XPOT: variants seen among roughly 807,000 people sequenced by gnomAD.
The protein encoded by XPOT is exportin-T.
A neutral mutation model predicts 128.2 loss-of-function variants in XPOT; 34 were observed. That is an observed-to-expected ratio of 0.27 (90% CI 0.20 to 0.35). XPOT has a LOEUF of 0.35. XPOT is among the 10% of genes least tolerant of loss of function. The pLI is 1.00. For missense variants in XPOT, 838 were observed against 1,125.3 expected, an observed-to-expected ratio of 0.74 and a Z score of 3.65; for synonymous variants, 348 against 394.3, an observed-to-expected ratio of 0.88 and a Z score of 1.39.
chr12:64,435,786 T>C (rs1475947921), intron 22 of XPOT, 112 bp downstream of exon 22: 14 of 1,061,528 alleles, frequency 1.3e-5, no homozygotes, highest in Non-Finnish European at 1.8e-5. Flanking sequence ...ACTTTTTGGA[T>C]GTGGGGAAAG....
chr12:64,431,960 T>A, intron 18 of XPOT, 137 bp downstream of exon 18: 1 of 862,790 alleles, frequency 1.2e-6, no homozygotes, highest in Non-Finnish European at 1.8e-6. Context: ...GGATCATATG[T>A]ATTTTTATCA....
At chr12:64,444,455 A>G (rs529464279) in intron 23 of XPOT, among the ~76,000 whole-genome samples, 27 of 152,378 alleles carry the variant, frequency 1.8e-4, no homozygotes, top group African/African-American at 6.0e-4. Context: ...GTATATACAT[A>G]CAATAGAATA....
Position 64,431,540 on chromosome 12 carries a change from G to T in XPOT, c.1979G>T (p.Arg660Leu), listed in dbSNP as rs1266886465. ...CLNHAVGFAS[R>L]TSKAFSNKQT... ...TTGCCTGATTTTTGCTTATATAGTC[G>T]AACCAGTAAAGCTTTCAGCAACAAA... is the stretch of plus-strand genomic sequence containing the variant. Residue 660 changes from arginine (R) to leucine (L), a missense_variant and splice_region_variant, in exon 18 of 25, where the codon CGA (arginine) becomes CTA (leucine). This residue lies in a region of XPOT where 761 missense variants were observed against 988.3 expected (regional missense o/e 0.77). Coordinates refer to ENST00000332707, the MANE Select transcript of XPOT (RefSeq NM_007235.6). 1.2e-6 allele frequency: 2 copies of T among 1,611,666 alleles called. No homozygotes were observed. Among genetic ancestry groups the T allele is most frequent in the South Asian group, 2.2e-5 (2 of 90,992 alleles).
chr12:64,421,953 C>T (rs936021049), intron 9 of XPOT, among the ~76,000 whole-genome samples: 10 of 152,160 alleles, frequency 6.6e-5, no homozygotes, highest in African/African-American at 2.4e-4. Context: ...CCTGGGATTA[C>T]AGGCATGCAC....
intron 17 of XPOT, among the ~76,000 whole-genome samples, chr12:64,430,591 T>C (rs977707255): frequency 4.6e-5 from 7 of 152,194 alleles, no homozygotes; most frequent in African/African-American, 1.7e-4. Flanking sequence ...GGACGGGACA[T>C]CTTTGGTTAG....
intron 18 of XPOT, among the ~76,000 whole-genome samples, chr12:64,432,818 A>AC (rs1245811871): frequency 6.6e-6 from 1 of 152,228 alleles, no homozygotes; most frequent in Non-Finnish European, 1.5e-5. Context: ...TTGAGAATTT[A>AC]ATTTTGAAAA....
intron 9 of XPOT, 149 bp downstream of exon 9, chr12:64,421,620 T>A: frequency 3.8e-6 from 2 of 525,322 alleles, no homozygotes; most frequent in Non-Finnish European, 3.3e-6. Context: ...ATTTCCATCT[T>A]AAAAAAAAAA....
intron 23 of XPOT, among the ~76,000 whole-genome samples, chr12:64,441,222 CA>C (rs1258788331): frequency 6.6e-6 from 1 of 152,124 alleles, no homozygotes; most frequent in East Asian, 1.9e-4. Context: ...TGTTGAAGAT[CA>C]GTTGACTGTA....
chr12:64,445,207 A>G, intron 24 of XPOT, 76 bp downstream of exon 24: 3 of 1,128,726 alleles, frequency 2.7e-6, no homozygotes, highest in Admixed American at 2.2e-5. Context: ...ACATACCTGC[A>G]ATTATAGATG....
chr12:64,418,005 C>T, intron 4 of XPOT, 41 bp from the exon 5 acceptor site: 1 of 1,517,436 alleles, frequency 6.6e-7, no homozygotes, highest in Non-Finnish European at 9.0e-7. Flanking sequence ...CCATAGACAC[C>T]AAATATAGCC....
intron 5 of XPOT, 61 bp from the exon 6 acceptor site, chr12:64,418,815 T>C: frequency 6.7e-7 from 1 of 1,501,044 alleles, no homozygotes; most frequent in South Asian, 1.2e-5. Context: ...ATAAGACAAC[T>C]GGTGTTTCTG....
At chr12:64,424,891 A>G in intron 12 of XPOT, 147 bp from the exon 13 acceptor site, 1 of 1,314,352 alleles carries the variant, frequency 7.6e-7, no homozygotes, top group Middle Eastern at 2.7e-4. Context: ...GATCCTTTCT[A>G]CCTTTGTGAT....
chr12:64,433,004 A>G (rs1323693376), intron 18 of XPOT, among the ~76,000 whole-genome samples: 3 of 151,986 alleles, frequency 2.0e-5, no homozygotes, highest in Non-Finnish European at 2.9e-5. Flanking sequence ...CAGTGGTATG[A>G]TCTTGACTCA....
chr12:64,425,770 A>C (rs1487887037), intron 14 of XPOT, 45 bp from the exon 15 acceptor site: 1 of 1,580,516 alleles, frequency 6.3e-7, no homozygotes, highest in South Asian at 1.1e-5. Context: ...TATCAACAAA[A>C]CCCTTGAAAA....
intron 24 of XPOT, among the ~76,000 whole-genome samples, chr12:64,446,078 T>G (rs2040364981): frequency 6.6e-6 from 1 of 152,188 alleles, no homozygotes; most frequent in Non-Finnish European, 1.5e-5. Flanking sequence ...TTGTTTATCA[T>G]TGGGAACCCT....
Position 64,420,102 on chromosome 12 carries a change from C to G in XPOT, c.522C>G (p.Thr174=). ...GTAGGAATACTCTCATAAAAGATAC[C>G]ATGAGGGAACAGTGCATTCCAAATC... ...EARRNTLIKD[T]MREQCIPNLV... is the part of the protein sequence containing the mutation. Residue 174 remains threonine, a synonymous_variant, in exon 7 of 25, where the codon ACC becomes ACG. Transcript: ENST00000332707. 1 of 1,592,136 alleles carries G rather than the reference C, an allele frequency of 6.3e-7. No individual in the cohort carries two copies. Among genetic ancestry groups the G allele is most frequent in the Non-Finnish European group, 8.5e-7 (1 of 1,173,312 alleles).
chr12:64,417,191 T>A (rs1237578247), intron 4 of XPOT, among the ~76,000 whole-genome samples: 1 of 152,210 alleles, frequency 6.6e-6, no homozygotes, highest in African/African-American at 2.4e-5. Flanking sequence ...CACTCCAGAC[T>A]GGGTGACAGC....
chr12:64,411,425 G>A (rs888297697), intron 2 of XPOT, among the ~76,000 whole-genome samples: 2 of 152,112 alleles, frequency 1.3e-5, no homozygotes, highest in African/African-American at 4.8e-5. Flanking sequence ...TTGGATGAAA[G>A]AGGCATTTTC....
rs1203861365 is a variant in XPOT, at chr12:64,423,192, T to C, written c.1130T>C (p.Leu377Ser). The C allele has an allele frequency of 6.3e-7, 1 of 1,597,512 alleles. No individual in the cohort carries two copies. Among genetic ancestry groups the C allele is most frequent in the Admixed American group, 1.8e-5 (1 of 54,998 alleles). The change falls in exon 11 of 25, where the codon TTG becomes TCG. Residue 377 changes from leucine to serine, a missense_variant. By Grantham distance (145) the Leu-to-Ser change is moderately radical. Around this residue, in one of 3 missense-constraint regions of XPOT, gnomAD observed 761 missense variants for 988.3 expected, o/e 0.77. Transcript: ENST00000332707. ...QQKANVEAIMLAVMKKLTYDE... is the reference protein window; with the variant it reads ...QQKANVEAIMSAVMKKLTYDE... ...CAATTTTATTCTTAGGCAATCATGT[T>C]GGCCGTTATGAAAAAATTGACTTAC...
Sources: allele counts gnomAD v4.1 joint callset (sites outside exome capture counted in the v4.1 genomes callset), GRCh38; gene constraint gnomAD v4.1.1; regional missense constraint gnomAD v4.1.1; transcripts MANE v1.5; gene names NCBI Gene and HGNC (gene_info 2026-07-23, HGNC 2026-07-21).